The following GALNT13 variants were observed in gnomAD, a reference collection of about 807,000 sequenced individuals.
GALNT13 encodes UDP-GalNAc:polypeptide N-acetylgalactosaminyltransferase 13.
Under a neutral mutation model 64.2 loss-of-function variants are expected in GALNT13, and 28 were observed. The ratio of observed to expected loss-of-function variants is 0.44; its 90% CI spans 0.32 to 0.60. The LOEUF (loss-of-function observed/expected upper bound fraction) is 0.60, where lower values mean the gene tolerates loss of function less well. Ranked by LOEUF, GALNT13 falls within the 20% of genes least tolerant of loss-of-function variation. The probability of loss-of-function intolerance (pLI) is 0.05; values close to 1 mark genes in which losing one functional copy is unlikely to be tolerated. For missense variants in GALNT13, 577 were observed against 669.8 expected (o/e 0.86, Z 1.53); for synonymous variants, 214 against 224.6 (o/e 0.95, Z 0.42).
At chr2:153,750,564 G>A in the GALNT13 span, among the ~76,000 whole-genome samples, 1 of 151,634 alleles carries the variant, frequency 6.6e-6, no homozygotes, top group Non-Finnish European at 1.5e-5. Flanking sequence ...CGTTGTATGT[G>A]TCTAGGAATT....
At chr2:153,248,509 A>G in the GALNT13 span, among the ~76,000 whole-genome samples, 1 of 42,962 alleles carries the variant, frequency 2.3e-5, no homozygotes, top group Non-Finnish European at 6.0e-5. Context: ...ATAAAATTCA[A>G]CATCCTTTAT....
chr2:153,466,567 T>C, the GALNT13 span, among the ~76,000 whole-genome samples: 1 of 152,052 alleles, frequency 6.6e-6, no homozygotes, highest in Admixed American at 6.6e-5. Flanking sequence ...ATCCTTGCTT[T>C]CCTCTAATGA....
intron 3 of GALNT13, among the ~76,000 whole-genome samples, chr2:153,954,091 T>C (rs1164932217): frequency 6.6e-6 from 1 of 152,206 alleles, no homozygotes; most frequent in Non-Finnish European, 1.5e-5. Context: ...TGTTTGTTGA[T>C]TTTGTCTGAT....
chr2:153,580,221 C>G, the GALNT13 span, among the ~76,000 whole-genome samples: 7 of 151,992 alleles, frequency 4.6e-5, no homozygotes, highest in African/African-American at 1.7e-4. Context: ...TCCAAAGTAA[C>G]GAATCTTTCA....
At chr2:153,473,885 A>G in the GALNT13 span, among the ~76,000 whole-genome samples, 2 of 152,216 alleles carry the variant, frequency 1.3e-5, no homozygotes, top group Non-Finnish European at 2.9e-5. Context: ...ACAACAGTGC[A>G]TATTAGTCTG....
chr2:154,432,958 A>G (rs185770678), intron 11 of GALNT13, among the ~76,000 whole-genome samples: 3 of 152,290 alleles, frequency 2.0e-5, no homozygotes, highest in South Asian at 2.1e-4. Context: ...CCCTCCCTCT[A>G]GAGGAGATGG....
chr2:153,632,865 G>C, the GALNT13 span, among the ~76,000 whole-genome samples: 3 of 152,028 alleles, frequency 2.0e-5, no homozygotes, highest in African/African-American at 4.8e-5. Flanking sequence ...CAATTCTCCT[G>C]TCTCAGCTTC....
chr2:153,881,958 GT>G lies in GALNT13; in HGVS notation c.-177+9657del, dbSNP rs376110285. Among the ~76,000 whole-genome samples the G allele has an allele frequency of 3.1e-3, 468 of 152,118 alleles. 2 individuals are homozygous for G. The highest frequency in any genetic ancestry group is 0.011 in the African/African-American group (455 of 41,520). ...TGACATGCAATAGTGTAATAATTTT[GT>G]TGGCTCTTGGGTTTTTTTCATTTAG... On this transcript the variant is annotated intron_variant, in intron 1 of 12. Transcript: ENST00000392825.
chr2:153,925,485 A>G (rs1193615545), intron 2 of GALNT13, among the ~76,000 whole-genome samples: 4 of 142,324 alleles, frequency 2.8e-5, no homozygotes, highest in Non-Finnish European at 4.5e-5. Context: ...ATCAGGTAGC[A>G]TGAAGCCTCG....
At chr2:153,762,783 C>A in the GALNT13 span, 2 of 150,882 alleles carry the variant, frequency 1.3e-5, no homozygotes, top group Non-Finnish European at 2.9e-5. Context: ...TGAACTGAAG[C>A]CCTTGTCTTT....
At chr2:153,655,674 T>C in the GALNT13 span, among the ~76,000 whole-genome samples, 3 of 152,148 alleles carry the variant, frequency 2.0e-5, no homozygotes, top group African/African-American at 4.8e-5. Flanking sequence ...TATACACTTA[T>C]GTTCAGAAGG....
chr2:153,560,988 T>C, the GALNT13 span, among the ~76,000 whole-genome samples: 1 of 152,050 alleles, frequency 6.6e-6, no homozygotes, highest in Non-Finnish European at 1.5e-5. Context: ...TTAATGAGTC[T>C]TTATATTTTT....
intron 9 of GALNT13, among the ~76,000 whole-genome samples, chr2:154,312,131 G>C (rs1176637242): frequency 1.3e-5 from 2 of 152,110 alleles, no homozygotes; most frequent in African/African-American, 4.8e-5. Context: ...TATTGATTGG[G>C]GAAGTGATAA....
At chr2:153,685,733 G>A in the GALNT13 span, among the ~76,000 whole-genome samples, 28 of 151,974 alleles carry the variant, frequency 1.8e-4, no homozygotes, top group African/African-American at 5.8e-4. Context: ...TCAGGATATC[G>A]TTGCCCGTGC....
chr2:153,578,158 A>AT, the GALNT13 span, among the ~76,000 whole-genome samples: 5 of 152,184 alleles, frequency 3.3e-5, no homozygotes, highest in African/African-American at 7.2e-5. Flanking sequence ...GCGATAAGTG[A>AT]TTTTTTTAGT....
the GALNT13 span, among the ~76,000 whole-genome samples, chr2:153,756,547 A>G: frequency 1.3e-5 from 2 of 152,246 alleles, no homozygotes; most frequent in East Asian, 3.9e-4. Flanking sequence ...TTGCTTTTAA[A>G]TCACATGTTA....
At chr2:154,007,547 A>T (rs1026064122) in intron 3 of GALNT13, among the ~76,000 whole-genome samples, 3 of 152,022 alleles carry the variant, frequency 2.0e-5, no homozygotes, top group Non-Finnish European at 2.9e-5. Context: ...TTGATTCCAT[A>T]TGAGGAATAT....
chr2:153,286,348 A>G, the GALNT13 span, among the ~76,000 whole-genome samples: 10 of 152,174 alleles, frequency 6.6e-5, no homozygotes, highest in Admixed American at 3.3e-4. Flanking sequence ...GACTATTTAT[A>G]TAGATGAGAC....
the GALNT13 span, among the ~76,000 whole-genome samples, chr2:153,851,999 C>T: frequency 8.6e-5 from 13 of 151,916 alleles, no homozygotes; most frequent in Non-Finnish European, 1.8e-4. Context: ...GATAAGTTAA[C>T]GATGTATACT....
Sources: allele counts gnomAD v4.1 joint callset (sites outside exome capture counted in the v4.1 genomes callset), GRCh38; gene constraint gnomAD v4.1.1; transcripts MANE v1.5; gene names NCBI Gene and HGNC (gene_info 2026-07-23, HGNC 2026-07-21).